RTN1: variants seen among roughly 807,000 people sequenced by gnomAD.
RTN1 encodes the protein reticulon-1.
In RTN1, 25 loss-of-function variants were observed where a neutral mutation model predicts 65.5. The ratio of observed to expected loss-of-function variants is 0.38; its 90% confidence interval spans 0.28 to 0.53. The LOEUF is 0.53. Ranked by LOEUF, RTN1 falls within the 20% of genes least tolerant of loss-of-function variation. The probability of loss-of-function intolerance (pLI) is 0.79; values close to 1 mark genes in which losing one functional copy is unlikely to be tolerated. For missense variants in RTN1, 983 were observed against 1,025.4 expected (o/e 0.96, Z 0.57); for synonymous variants, 471 against 447.6 (o/e 1.05, Z -0.66).
At chr14:59,819,594 C>T (rs974977661) in intron 1 of RTN1, among the ~76,000 whole-genome samples, 6 of 152,008 alleles carry the variant, frequency 3.9e-5, no homozygotes, top group East Asian at 3.9e-4. Context: ...CTGCGCTGCG[C>T]GACCACTGTT....
intron 3 of RTN1, among the ~76,000 whole-genome samples, chr14:59,623,964 A>G (rs1882324003): frequency 6.6e-6 from 1 of 152,212 alleles, no homozygotes; most frequent in African/African-American, 2.4e-5. Flanking sequence ...AAGAAAGGGG[A>G]TAAAATATGA....
rs1887462499 is a variant in RTN1, at chr14:59,849,215, G to T, written c.241+21175C>A. The stretch of plus-strand genomic sequence containing the variant: ...TAGATCATAAAGCTAATCTAAGAAG[G>T]TATATAAAGTGTTTATCACAGTACC... On this transcript the variant is annotated intron_variant, in intron 1 of 8. Transcript: ENST00000267484. The surrounding 1 kb of genome is among the most constrained non-coding windows in gnomAD (Gnocchi z 4.5). Among the ~76,000 whole-genome samples the T allele has an allele frequency of 6.6e-6, 1 of 152,274 alleles. No individual in the cohort carries two copies. The highest frequency in any genetic ancestry group is 2.1e-4 in the South Asian group (1 of 4,820).
chr14:59,628,617 G>GAGTATAAAAGATTTTTTATAA (rs1882462617), intron 3 of RTN1, among the ~76,000 whole-genome samples: 2 of 152,142 alleles, frequency 1.3e-5, no homozygotes, highest in African/African-American at 4.8e-5. Flanking sequence ...ATGACCAAAG[G>GAGTATAAAAGATTTTTTATAA]TCGCTGAGTA....
chr14:59,695,914 C>G (rs770589505), intron 3 of RTN1, among the ~76,000 whole-genome samples: 3 of 151,846 alleles, frequency 2.0e-5, no homozygotes, highest in Non-Finnish European at 2.9e-5. Flanking sequence ...AGTCTGTAAA[C>G]ACTATAGAAA....
chr14:59,858,051 A>C (rs1315347439), intron 1 of RTN1, among the ~76,000 whole-genome samples: 1 of 152,136 alleles, frequency 6.6e-6, no homozygotes, highest in African/African-American at 2.4e-5. Flanking sequence ...CCATCCATCC[A>C]AGCAACAAGC....
At chr14:59,634,031 G>A (rs1882610663) in intron 3 of RTN1, among the ~76,000 whole-genome samples, 1 of 152,176 alleles carries the variant, frequency 6.6e-6, no homozygotes, top group Non-Finnish European at 1.5e-5. Flanking sequence ...GTGTTTATGT[G>A]TGGGCAAATA....
In RTN1 at chr14:59,849,754, T is replaced by A. The variant is rs530516405; in HGVS notation, c.241+20636A>T. Among the ~76,000 whole-genome samples, 1 of 152,312 alleles carries A rather than the reference T, an allele frequency of 6.6e-6. No individual in the cohort carries two copies. The highest frequency in any genetic ancestry group is 1.5e-5 in the Non-Finnish European group (1 of 68,032). On this transcript the variant is annotated intron_variant, in intron 1 of 8. Transcript: ENST00000267484. The surrounding 1 kb of genome is among the most constrained non-coding windows in gnomAD (Gnocchi z 4.5). ...GCAATCATAAACATGTGAATTACAA[T>A]TTCTAAGGGAAGTAAAGCCAAGAAC...
rs1231152250 is a variant in RTN1 at position 59,656,097 on chromosome 14, A to G, written c.1766-48605T>C. ...TTTTGAATGAATGAACCTTGAAAAC[A>G]TTATGCTAGGAGAAAGAAGCTGGAT... On this transcript the variant is annotated intron_variant, in intron 3 of 8. Coordinates refer to ENST00000267484, the MANE Select transcript of RTN1 (RefSeq NM_021136.3). Among the ~76,000 whole-genome samples the G allele has an allele frequency of 2.0e-5, 3 of 152,198 alleles. No homozygotes were observed. The East Asian group carries it at 5.8e-4, about 29-fold the overall frequency.
At position 59,854,188 on chromosome 14, in the gene RTN1, T is replaced by C. The variant is rs545413252; in HGVS notation, c.241+16202A>G. ...TTTTTAACTTTTTAAATGCAATTAA[T>C]TGTTGCTTTTGGCTGAGGTTCTTAA... On this transcript the variant is annotated intron_variant, in intron 1 of 8. Coordinates refer to ENST00000267484, the MANE Select transcript of RTN1 (RefSeq NM_021136.3). Among the ~76,000 whole-genome samples the C allele has an allele frequency of 7.2e-5, 11 of 152,218 alleles. No individual in the cohort carries two copies. In the East Asian group the frequency reaches 2.1e-3, roughly 29 times the overall value.
At chr14:59,744,882 T>G (rs987104587) in intron 2 of RTN1, among the ~76,000 whole-genome samples, 3 of 152,164 alleles carry the variant, frequency 2.0e-5, no homozygotes, top group Non-Finnish European at 4.4e-5. Context: ...ACCTGTGCTA[T>G]AGTTTGAATG....
At chr14:59,631,591 A>C (rs1882556011) in intron 3 of RTN1, among the ~76,000 whole-genome samples, 1 of 152,230 alleles carries the variant, frequency 6.6e-6, no homozygotes, top group Non-Finnish European at 1.5e-5. Flanking sequence ...ATGGGTGGTG[A>C]CCTGCTTTTT....
intron 3 of RTN1, among the ~76,000 whole-genome samples, chr14:59,627,126 T>C (rs758220419): frequency 6.6e-6 from 1 of 152,356 alleles, no homozygotes; most frequent in Admixed American, 6.5e-5. Flanking sequence ...CTGAGCCTCA[T>C]AATGTCCAAG....
chr14:59,603,028 G>C (rs375065684), intron 8 of RTN1, 37 bp downstream of exon 8: 1 of 1,559,308 alleles, frequency 6.4e-7, no homozygotes, highest in Non-Finnish European at 8.8e-7. Context: ...TGATGTAAGA[G>C]AGTCTCTCCT....
chr14:59,636,281 T>G (rs1377815871), intron 3 of RTN1, among the ~76,000 whole-genome samples: 1 of 152,120 alleles, frequency 6.6e-6, no homozygotes, highest in Non-Finnish European at 1.5e-5. Context: ...CACCATCCCC[T>G]TGGTGATAAG....
chr14:59,848,563 T>C (rs1418519801), intron 1 of RTN1, among the ~76,000 whole-genome samples: 1 of 152,228 alleles, frequency 6.6e-6, no homozygotes, highest in Non-Finnish European at 1.5e-5. Context: ...ATTTACACTG[T>C]AATTGATTTA....
chr14:59,826,011 T>C lies in RTN1; in HGVS notation c.241+44379A>G, dbSNP rs114042999. 1.2e-3 allele frequency among the ~76,000 whole-genome samples: 185 copies of C among 152,240 alleles called. 2 individuals are homozygous for C. Among genetic ancestry groups the C allele is most frequent in the African/African-American group, 4.4e-3 (181 of 41,536 alleles). On this transcript the variant is annotated intron_variant, in intron 1 of 8. Coordinates refer to ENST00000267484, the MANE Select transcript of RTN1 (RefSeq NM_021136.3). The stretch of plus-strand genomic sequence containing the variant: ...GTGTTTTGCACTATTAAATATATCA[T>C]AGAATACTTACATTTCCCCAACACC...
At chr14:59,612,391 T>C (rs1429234494) in intron 3 of RTN1, among the ~76,000 whole-genome samples, 1 of 152,108 alleles carries the variant, frequency 6.6e-6, no homozygotes, top group Non-Finnish European at 1.5e-5. Flanking sequence ...GGGTAAGAAA[T>C]TCTTACCAGC....
chr14:59,699,369 G>A (rs921975624), intron 3 of RTN1, among the ~76,000 whole-genome samples: 1 of 151,978 alleles, frequency 6.6e-6, no homozygotes, highest in African/African-American at 2.4e-5. Flanking sequence ...ACCTTTACTA[G>A]GAAATGAAAT....
chr14:59,750,456 T>TATA (rs1285234621), intron 1 of RTN1, among the ~76,000 whole-genome samples: 85 of 27,518 alleles, frequency 3.1e-3, no homozygotes, highest in Admixed American at 5.7e-3. Flanking sequence ...ATCTATAATA[T>TATA]ATATATCTAT....
Sources: gnomAD v4.1 joint callset for allele counts (sites outside exome capture counted in the v4.1 genomes callset) on GRCh38, gnomAD v4.1.1 for gene constraint, Gnocchi (gnomAD v3.1) non-coding constraint, MANE v1.5 for transcripts, NCBI Gene and HGNC (gene_info 2026-07-23, HGNC 2026-07-21) for gene names.